Variants in EBF1 observed in about 807,000 individuals in gnomAD.
The protein encoded by EBF1 is transcription factor COE1.
EBF1 carries 10 observed loss-of-function variants against 68.4 expected under a neutral mutation model. That is an observed-to-expected ratio of 0.15 (90% CI 0.09 to 0.25). The LOEUF is 0.25. Ranked by LOEUF, EBF1 falls within the 10% of genes least tolerant of loss-of-function variation. The probability of loss-of-function intolerance (pLI) is 1.00; values close to 1 mark genes in which losing one functional copy is unlikely to be tolerated. For synonymous variants in EBF1, 298 were observed against 299.8 expected (o/e 0.99, Z 0.06); for missense variants, 509 against 794.4 (o/e 0.64, Z 4.32).
intron 6 of EBF1, among the ~76,000 whole-genome samples, chr5:158,867,871 C>G (rs1050465127): frequency 6.6e-6 from 1 of 152,222 alleles, no homozygotes; most frequent in Non-Finnish European, 1.5e-5. Context: ...GCTATTATGG[C>G]TCCTCTTTGA....
intron 6 of EBF1, among the ~76,000 whole-genome samples, chr5:158,863,397 C>A (rs1795303456): frequency 6.6e-6 from 1 of 152,218 alleles, no homozygotes; most frequent in Admixed American, 6.5e-5. Flanking sequence ...CTGCCACTTA[C>A]CAATCTCCCC....
At chr5:158,958,134 G>T (rs2127526044) in intron 6 of EBF1, among the ~76,000 whole-genome samples, 1 of 152,232 alleles carries the variant, frequency 6.6e-6, no homozygotes, top group Middle Eastern at 3.4e-3. Flanking sequence ...ACATTCTCCT[G>T]CTGAATTGAG....
At chr5:158,785,613 A>C (rs6893851) in intron 9 of EBF1, among the ~76,000 whole-genome samples, 23,145 of 152,168 alleles carry the variant, frequency 0.15, 2,846 homozygotes, top group African/African-American at 0.34. Flanking sequence ...GTTTCACAAA[A>C]ATTCTGGTTT....
At chr5:158,902,993 A>G (rs1209706655) in intron 6 of EBF1, among the ~76,000 whole-genome samples, 1 of 152,208 alleles carries the variant, frequency 6.6e-6, no homozygotes, top group Non-Finnish European at 1.5e-5. Flanking sequence ...GCAGGCACAA[A>G]AGATTTTCCT....
chr5:158,785,091 C>T (rs1581860588), intron 9 of EBF1, among the ~76,000 whole-genome samples: 1 of 152,156 alleles, frequency 6.6e-6, no homozygotes. Context: ...ATAATAATAT[C>T]CATCTCTTTT....
intron 8 of EBF1, among the ~76,000 whole-genome samples, chr5:158,819,671 C>T (rs1173933345): frequency 7.2e-5 from 11 of 152,156 alleles, no homozygotes; most frequent in South Asian, 6.2e-4. Context: ...CCTTTCATCC[C>T]GAGCTCATGC....
intron 10 of EBF1, among the ~76,000 whole-genome samples, chr5:158,734,225 C>T (rs1289548750): frequency 6.6e-6 from 1 of 152,084 alleles, no homozygotes. Context: ...GCTTTTCTTC[C>T]TGTTCTTTTT....
At chr5:158,799,999 A>T (rs571117924) in intron 8 of EBF1, among the ~76,000 whole-genome samples, 9 of 152,186 alleles carry the variant, frequency 5.9e-5, no homozygotes, top group Non-Finnish European at 1.3e-4. Flanking sequence ...GGCTAAAAGA[A>T]GACCTGGAAA....
At chr5:158,765,317 A>G (rs1361917365) in intron 10 of EBF1, among the ~76,000 whole-genome samples, 2 of 152,220 alleles carry the variant, frequency 1.3e-5, no homozygotes, top group Non-Finnish European at 2.9e-5. Context: ...AAACCTCGCT[A>G]CAAGCTCAAA....
chr5:158,846,153 A>T (rs1474011859), intron 6 of EBF1, among the ~76,000 whole-genome samples: 1 of 152,214 alleles, frequency 6.6e-6, no homozygotes, highest in Non-Finnish European at 1.5e-5. Context: ...TATTCAGGAC[A>T]CGGAGACTTG....
At chr5:158,735,498 T>C (rs1270006779) in intron 10 of EBF1, among the ~76,000 whole-genome samples, 1 of 152,134 alleles carries the variant, frequency 6.6e-6, no homozygotes, top group Non-Finnish European at 1.5e-5. Flanking sequence ...TTCCTGTAAA[T>C]GCATGAAAAG....
At position 158,881,196 on chromosome 5, in the gene EBF1, C is replaced by G. The variant is rs186333959; in HGVS notation, c.555-41086G>C. ...AGAAGTGTTGGGGGAAAGAGCCACT[C>G]GCGTTCAGGCAGGCTGCCCTGCCAA... On this transcript the variant is annotated intron_variant, in intron 6 of 15. Transcript: ENST00000313708. Among the ~76,000 whole-genome samples, 334 of 152,130 alleles carry G rather than the reference C, an allele frequency of 2.2e-3. 2 individuals are homozygous for G. The highest frequency in any genetic ancestry group is 2.8e-3 in the Non-Finnish European group (189 of 67,974).
intron 6 of EBF1, among the ~76,000 whole-genome samples, chr5:158,969,880 GA>G (rs1234634746): frequency 4.8e-5 from 4 of 82,792 alleles, no homozygotes; most frequent in African/African-American, 1.8e-4. Context: ...AAGAAAGAAA[GA>G]AAGAAAGAAA....
chr5:159,055,465 G>T (rs956530333), intron 6 of EBF1, among the ~76,000 whole-genome samples: 1 of 152,142 alleles, frequency 6.6e-6, no homozygotes, highest in African/African-American at 2.4e-5. Flanking sequence ...TCTACATGAG[G>T]TTCCTTCTCA....
intron 4 of EBF1, among the ~76,000 whole-genome samples, chr5:159,090,708 T>C (rs1208586712): frequency 1.3e-5 from 2 of 152,104 alleles, no homozygotes; most frequent in Non-Finnish European, 2.9e-5. Flanking sequence ...TCCCATATTG[T>C]ATTTCTTTTT....
intron 10 of EBF1, among the ~76,000 whole-genome samples, chr5:158,775,786 A>ATG (rs1255664448): frequency 0.02 from 236 of 11,884 alleles, 3 homozygotes; most frequent in African/African-American, 0.074. Context: ...GCACACAGAC[A>ATG]CACACACACA....
intron 4 of EBF1, among the ~76,000 whole-genome samples, chr5:159,092,956 G>T (rs532634616): frequency 6.6e-6 from 1 of 152,254 alleles, no homozygotes; most frequent in East Asian, 1.9e-4. Context: ...CTGATTTAAG[G>T]AGCCACTGTA....
intron 6 of EBF1, among the ~76,000 whole-genome samples, chr5:158,904,188 T>C (rs1804059352): frequency 6.6e-6 from 1 of 152,184 alleles, no homozygotes; most frequent in Non-Finnish European, 1.5e-5. Flanking sequence ...CTGTGCCTTC[T>C]GGAGCCTCAA....
At chr5:158,940,048 T>C (rs2127466643) in intron 6 of EBF1, among the ~76,000 whole-genome samples, 1 of 152,324 alleles carries the variant, frequency 6.6e-6, no homozygotes, top group Admixed American at 6.5e-5. Context: ...ACCCAGTACT[T>C]ACTTACCTGG....
Sources: gnomAD v4.1 joint callset for allele counts (sites outside exome capture counted in the v4.1 genomes callset) on GRCh38, gnomAD v4.1.1 for gene constraint, MANE v1.5 for transcripts, NCBI Gene and HGNC (gene_info 2026-07-23, HGNC 2026-07-21) for gene names.